The following SCAI variants were observed in gnomAD, a reference collection of about 807,000 sequenced individuals.
SCAI encodes suppressor of cancer cell invasion.
In SCAI, 24 loss-of-function variants were observed where a neutral mutation model predicts 92.2. The ratio of observed to expected loss-of-function variants is 0.26; its 90% confidence interval spans 0.19 to 0.37. The LOEUF is 0.37. Among genes scored for constraint, SCAI ranks in the 10% least tolerant of loss-of-function variants. SCAI has a pLI of 1.00. For missense variants in SCAI, 450 were observed against 736.2 expected (o/e 0.61, Z 4.50); for synonymous variants, 261 against 258.6 (o/e 1.01, Z -0.09).
chr9:125,101,341 AC>A (rs752458576), intron 2 of SCAI, among the ~76,000 whole-genome samples: 30 of 152,332 alleles, frequency 2.0e-4, no homozygotes, highest in East Asian at 1.9e-4. Context: ...GACTGCTCTA[AC>A]AACTCAGGCC....
At chr9:125,064,862 A>G (rs1178527691) in intron 2 of SCAI, among the ~76,000 whole-genome samples, 2 of 152,156 alleles carry the variant, frequency 1.3e-5, no homozygotes, top group African/African-American at 4.8e-5. Flanking sequence ...CAAACAAACA[A>G]AAAAATCCCA....
At chr9:125,002,490 T>TTTTTTTTTTTTTTA in intron 11 of SCAI, among the ~76,000 whole-genome samples, 1 of 144,218 alleles carries the variant, frequency 6.9e-6, no homozygotes, top group Non-Finnish European at 1.5e-5. Context: ...TTTAGTCTGT[T>TTTTTTTTTTTTTTA]TTTTTTTTTG....
At chr9:125,077,572 G>A (rs936008595) in intron 2 of SCAI, among the ~76,000 whole-genome samples, 1 of 152,304 alleles carries the variant, frequency 6.6e-6, no homozygotes, top group South Asian at 2.1e-4. Context: ...AGCAATGTAT[G>A]AAGTATTGTA....
intron 2 of SCAI, among the ~76,000 whole-genome samples, chr9:125,120,211 T>A (rs1046514157): frequency 2.0e-5 from 3 of 152,248 alleles, no homozygotes; most frequent in Admixed American, 6.5e-5. Context: ...ATACATTGGT[T>A]GTATGCCAGA....
chr9:125,004,779 ATTTTTTTTTTTTT>A (rs869167558), intron 9 of SCAI, among the ~76,000 whole-genome samples: 10 of 13,170 alleles, frequency 7.6e-4, no homozygotes, highest in African/African-American at 2.4e-3. Context: ...ATATATATAT[ATTTTTTTTTTTTT>A]TTTTTTTTTT....
intron 9 of SCAI, among the ~76,000 whole-genome samples, chr9:125,014,050 A>G (rs1350390221): frequency 6.6e-6 from 1 of 152,012 alleles, no homozygotes; most frequent in African/African-American, 2.4e-5. Context: ...AGAGCTATCT[A>G]TGACAAACCC....
At chr9:124,960,149 C>CA (rs1163703324) in intron 17 of SCAI, among the ~76,000 whole-genome samples, 6 of 151,974 alleles carry the variant, frequency 3.9e-5, no homozygotes, top group Non-Finnish European at 5.9e-5. Flanking sequence ...ATACTATGAC[C>CA]AAAAAAATTC....
chr9:124,995,352 T>C (rs1280349513), intron 13 of SCAI, among the ~76,000 whole-genome samples: 5 of 152,150 alleles, frequency 3.3e-5, no homozygotes, highest in African/African-American at 4.8e-5. Context: ...TGTAAGAACA[T>C]CTGGAAACAA....
chr9:124,967,567 C>CT (rs559591565), intron 17 of SCAI, among the ~76,000 whole-genome samples: 5 of 152,004 alleles, frequency 3.3e-5, no homozygotes, highest in African/African-American at 9.6e-5. Context: ...ATGAAAATGG[C>CT]TTTTTTTTCC....
At position 125,066,460 on chromosome 9, in the gene SCAI, A is replaced by ATTT. The variant is rs372205559; in HGVS notation, c.99-10456_99-10454dup. On this transcript the variant is annotated intron_variant, in intron 2 of 17. Coordinates refer to ENST00000336505, the MANE Select transcript of SCAI (RefSeq NM_001144877.3). ...TTATTTTATTTTATTTTATTTATTT[A>ATTT]TTTATTTTTTTTTGAGACGGAGTCT... Among the ~76,000 whole-genome samples, 234 of 138,448 alleles carry ATTT rather than the reference A, an allele frequency of 1.7e-3. 1 individual carries two copies. Among genetic ancestry groups the ATTT allele is most frequent in the East Asian group, 2.9e-3 (13 of 4,546 alleles). 90.8% of individuals were successfully genotyped at this position (138,448 alleles called of 152,430 possible).
intron 2 of SCAI, among the ~76,000 whole-genome samples, chr9:125,084,273 C>T (rs971501988): frequency 2.0e-5 from 3 of 148,004 alleles, no homozygotes; most frequent in African/African-American, 7.5e-5. Context: ...CAGGTTCACG[C>T]CGTTCTCCTG....
chr9:124,987,628 G>A (rs756726950), intron 14 of SCAI, among the ~76,000 whole-genome samples: 1 of 152,188 alleles, frequency 6.6e-6, no homozygotes. Flanking sequence ...ACAAAATAAG[G>A]ACAATAGCTC....
intron 2 of SCAI, among the ~76,000 whole-genome samples, chr9:125,108,480 C>T (rs1354256621): frequency 1.3e-5 from 2 of 150,620 alleles, no homozygotes; most frequent in Non-Finnish European, 3.0e-5. Context: ...GCCTCTGCCC[C>T]GCCGCCCCGT....
At chr9:125,135,064 T>C (rs1176900329) in intron 2 of SCAI, among the ~76,000 whole-genome samples, 1 of 152,146 alleles carries the variant, frequency 6.6e-6, no homozygotes, top group Non-Finnish European at 1.5e-5. Context: ...ACCAAACCCA[T>C]CCCACACTAA....
At chr9:125,062,094 A>C (rs1201442010) in intron 2 of SCAI, among the ~76,000 whole-genome samples, 1 of 152,048 alleles carries the variant, frequency 6.6e-6, no homozygotes, top group African/African-American at 2.4e-5. Flanking sequence ...AATTTATACT[A>C]AATTTTAAGT....
intron 2 of SCAI, among the ~76,000 whole-genome samples, chr9:125,068,316 C>T (rs758920560): frequency 6.6e-6 from 1 of 151,746 alleles, no homozygotes. Flanking sequence ...ACCTGGGCAA[C>T]AAAGCAAGAC....
chr9:125,088,925 C>T (rs1032583959), intron 2 of SCAI, among the ~76,000 whole-genome samples: 2 of 152,108 alleles, frequency 1.3e-5, no homozygotes, highest in Admixed American at 6.5e-5. Context: ...CGGCATCCCT[C>T]GCCTCTACGC....
At chr9:125,111,376 T>C (rs934472664) in intron 2 of SCAI, among the ~76,000 whole-genome samples, 78 of 152,202 alleles carry the variant, frequency 5.1e-4, no homozygotes, top group African/African-American at 1.8e-3. Context: ...ATCCAAGGTA[T>C]AGTAACGGGG....
chr9:125,066,071 A>C (rs1833863257), intron 2 of SCAI: 1 of 726,646 alleles, frequency 1.4e-6, no homozygotes, highest in Non-Finnish European at 2.5e-6. Flanking sequence ...GTATTGAATA[A>C]AGAAAAAAAG....
Sources: allele counts gnomAD v4.1 joint callset (sites outside exome capture counted in the v4.1 genomes callset), GRCh38; gene constraint gnomAD v4.1.1; transcripts MANE v1.5; gene names NCBI Gene and HGNC (gene_info 2026-07-23, HGNC 2026-07-21).